Variants in SLC6A13 observed in about 807,000 individuals in gnomAD.
SLC6A13 encodes sodium- and chloride-dependent GABA transporter 2.
Under a neutral mutation model 72.9 loss-of-function variants are expected in SLC6A13, and 69 were observed. That is an observed-to-expected ratio of 0.95 (90% CI 0.78 to 1.16). The LOEUF (loss-of-function observed/expected upper bound fraction) is 1.16. SLC6A13 is among the 50% of genes most tolerant of loss of function. The probability of loss-of-function intolerance (pLI) is 0.00; values close to 1 mark genes in which losing one functional copy is unlikely to be tolerated. For missense variants in SLC6A13, 735 were observed against 760.5 expected (o/e 0.97, Z 0.39); for synonymous variants, 303 against 303.0 (o/e 1.00, Z 0.00).
At chr12:250,325 G>T (rs888320896) in intron 2 of SLC6A13, among the ~76,000 whole-genome samples, 1 of 151,928 alleles carries the variant, frequency 6.6e-6, no homozygotes, top group Non-Finnish European at 1.5e-5. Flanking sequence ...AGGTTATTCC[G>T]ATTTAAAAGG....
At chr12:258,420 A>G (rs535946023) in intron 2 of SLC6A13, among the ~76,000 whole-genome samples, 1 of 152,244 alleles carries the variant, frequency 6.6e-6, no homozygotes, top group Admixed American at 6.5e-5. Flanking sequence ...GGCAGCTCTT[A>G]CTCACCTGCA....
At chr12:229,172 C>T (rs190517898) in intron 7 of SLC6A13, among the ~76,000 whole-genome samples, 200 of 152,234 alleles carry the variant, frequency 1.3e-3, no homozygotes, top group Non-Finnish European at 1.6e-3. Flanking sequence ...GGGAGGAAAT[C>T]ACACAGAGCA....
In SLC6A13 at chr12:224,060, G is replaced by C. The variant is rs199634252; in HGVS notation, c.1243C>G (p.Arg415Gly). 50 of 1,614,010 alleles carry C rather than the reference G, an allele frequency of 3.1e-5. 1 individual carries two copies. In the South Asian group the frequency reaches 5.4e-4, roughly 17 times the overall value. The change falls in exon 11 of 15, where the codon CGG (arginine) becomes GGG (glycine). Residue 415 changes from arginine to glycine, a missense_variant. By Grantham distance (125) the Arg-to-Gly change is moderately radical (BLOSUM62 -2). Coordinates refer to ENST00000343164, the MANE Select transcript of SLC6A13 (RefSeq NM_016615.5). ...MYPHVFRKKN[R>G]REVLILGVSV... ...ACTCCAAGGATGAGGACTTCCCTCC[G>C]GTTCTTCTTGCGGAACACGTGAGGG... is the stretch of plus-strand genomic sequence containing the variant.
At chr12:230,612 A>C (rs1941670245) in intron 7 of SLC6A13, among the ~76,000 whole-genome samples, 2 of 152,252 alleles carry the variant, frequency 1.3e-5, no homozygotes, top group Non-Finnish European at 2.9e-5. Context: ...GCAGCTCTTA[A>C]AACTCTCAAG....
chr12:231,584 T>C (rs774768641), intron 7 of SLC6A13, among the ~76,000 whole-genome samples: 1 of 152,166 alleles, frequency 6.6e-6, no homozygotes, highest in Non-Finnish European at 1.5e-5. Flanking sequence ...GTCCTGGCAC[T>C]TGAGCCATCC....
chr12:221,316 G>A, intron 14 of SLC6A13, 60 bp downstream of exon 14: 3 of 1,496,140 alleles, frequency 2.0e-6, no homozygotes, highest in East Asian at 2.5e-5. Flanking sequence ...CAGCCCACCT[G>A]TCGGCACCTG....
chr12:235,204 T>A lies in SLC6A13; in HGVS notation c.717A>T (p.Thr239=), dbSNP rs1294873647. The A allele has an allele frequency of 6.2e-7, 1 of 1,614,018 alleles. No individual in the cohort carries two copies. The highest frequency in any genetic ancestry group is 2.2e-5 in the East Asian group (1 of 44,898). ...GGACCACCAGCATGAGGTAAGGAAA[T>A]GTGGCCGTGAAGTACACCACCTGGT... The part of the protein sequence containing the change: ...STGKVVYFTA[T]FPYLMLVVLL... Residue 239 remains threonine, a synonymous_variant, in exon 7 of 15, where the codon ACA becomes ACT. Transcript: ENST00000343164.
chr12:241,948 GT>G (rs1942181204), intron 4 of SLC6A13, among the ~76,000 whole-genome samples: 1 of 152,222 alleles, frequency 6.6e-6, no homozygotes, highest in Admixed American at 6.5e-5. Flanking sequence ...GTTGCACTAT[GT>G]TTAGATACAC....
intron 2 of SLC6A13, chr12:256,462 C>T (rs985664444): frequency 4.6e-5 from 7 of 152,118 alleles, no homozygotes; most frequent in Admixed American, 2.6e-4. Flanking sequence ...GCGGGCATCC[C>T]TCTCACTCAC....
intron 10 of SLC6A13, 31 bp from the exon 11 acceptor site, chr12:224,160 A>G: frequency 6.2e-7 from 1 of 1,613,070 alleles, no homozygotes; most frequent in Non-Finnish European, 8.5e-7. Context: ...ATTGGAGGGA[A>G]GGAGAGCTCC....
At chr12:255,792 C>T (rs544285944) in intron 2 of SLC6A13, among the ~76,000 whole-genome samples, 1 of 152,192 alleles carries the variant, frequency 6.6e-6, no homozygotes, top group Non-Finnish European at 1.5e-5. Context: ...GAGTGGCCAA[C>T]CTGACATACC....
intron 13 of SLC6A13, 130 bp downstream of exon 13, chr12:222,402 G>A: frequency 1.7e-6 from 1 of 577,846 alleles, no homozygotes; most frequent in Non-Finnish European, 3.1e-6. Flanking sequence ...CCAAAAGGAG[G>A]ATGAGTGAAA....
chr12:247,140 A>C (rs1033072534), intron 2 of SLC6A13, among the ~76,000 whole-genome samples: 2 of 152,032 alleles, frequency 1.3e-5, no homozygotes, highest in Non-Finnish European at 2.9e-5. Context: ...GAAAGAAAGA[A>C]AAGGGTGAGA....
rs766196206 is a variant in SLC6A13 at position 226,313 on chromosome 12, T to C, written c.1060+77A>G. The C allele has an allele frequency of 3.8e-4, 602 of 1,583,934 alleles. 1 individual carries two copies. Among genetic ancestry groups the C allele is most frequent in the Non-Finnish European group, 5.1e-4 (585 of 1,156,022 alleles). On this transcript the variant is annotated intron_variant, in intron 9 of 14. Coordinates refer to ENST00000343164, the MANE Select transcript of SLC6A13 (RefSeq NM_016615.5). ...CTCACCCAGAGTGCAGGTGACACAATGGAAACGCCTCTAGACGCTTGCTGC... is the reference window on the plus strand; with the variant it reads ...CTCACCCAGAGTGCAGGTGACACAACGGAAACGCCTCTAGACGCTTGCTGC...
chr12:235,049 C>A lies in SLC6A13; in HGVS notation c.831+41G>T, dbSNP rs758590027. 3.1e-6 allele frequency: 5 copies of A among 1,612,790 alleles called. No homozygotes were observed. The African/African-American group carries it at 4.0e-5, about 13-fold the overall frequency. ...GCAGGGAAAGCCTGAAGCTCAGTTG[C>A]CCTGGGAGTCACGTGAGGGCTCCTG... is the stretch of plus-strand genomic sequence containing the variant. On this transcript the variant is annotated intron_variant, in intron 7 of 14. Coordinates refer to ENST00000343164, the MANE Select transcript of SLC6A13 (RefSeq NM_016615.5).
rs1941168367 is a variant in SLC6A13 at position 220,713 on chromosome 12, C to T, written c.*235G>A. The T allele has an allele frequency of 2.1e-6, 1 of 483,440 alleles. No homozygotes were observed. Among genetic ancestry groups the T allele is most frequent in the Non-Finnish European group, 3.7e-6 (1 of 271,584 alleles). The allele number at this position is 483,440 out of a possible 1,614,324, so 29.9% of individuals were successfully genotyped here. On this transcript the variant is annotated 3_prime_UTR_variant, in exon 15 of 15. Transcript: ENST00000343164. The stretch of plus-strand genomic sequence containing the variant: ...CCACCTACCAGCCCCCACCCAGCTT[C>T]CCAAGGGTCTCAGAGGGACACTCTT...
chr12:231,739 C>T (rs762087750), intron 7 of SLC6A13, among the ~76,000 whole-genome samples: 1 of 152,208 alleles, frequency 6.6e-6, no homozygotes, highest in Non-Finnish European at 1.5e-5. Context: ...CTTATGGCCT[C>T]ATTAATGCTC....
intron 12 of SLC6A13, among the ~76,000 whole-genome samples, 164 bp from the exon 13 acceptor site, chr12:222,796 T>G (rs1941270141): frequency 6.6e-6 from 1 of 152,110 alleles, no homozygotes; most frequent in Non-Finnish European, 1.5e-5. Context: ...TCCCTGGCAT[T>G]CATAGGCATA....
At chr12:262,115 A>T (rs1286856238) in intron 1 of SLC6A13, among the ~76,000 whole-genome samples, 1 of 152,024 alleles carries the variant, frequency 6.6e-6, no homozygotes, top group South Asian at 2.1e-4. Flanking sequence ...CAGCTGATGG[A>T]TCTCTCCCAG....
Sources: gnomAD v4.1 joint callset for allele counts (sites outside exome capture counted in the v4.1 genomes callset) on GRCh38, gnomAD v4.1.1 for gene constraint, MANE v1.5 for transcripts, NCBI Gene and HGNC (gene_info 2026-07-23, HGNC 2026-07-21) for gene names.